Variants in SCAPER observed in about 807,000 individuals in gnomAD.
SCAPER encodes the protein S-phase cyclin A associated protein in the ER.
Under a neutral mutation model 182.2 loss-of-function variants are expected in SCAPER, and 98 were observed. That is an observed-to-expected ratio of 0.54 (90% confidence interval 0.46 to 0.64). SCAPER has a LOEUF of 0.64. Among genes scored for constraint, SCAPER ranks in the 30% least tolerant of loss-of-function variants. The pLI is 0.00. For synonymous variants in SCAPER, 605 were observed against 564.6 expected, an observed-to-expected ratio of 1.07 and a Z score of -1.01; for missense variants, 1,432 against 1,690.0, an observed-to-expected ratio of 0.85 and a Z score of 2.68.
At chr15:76,776,504 A>G (rs917788647) in intron 8 of SCAPER, among the ~76,000 whole-genome samples, 4 of 152,182 alleles carry the variant, frequency 2.6e-5, no homozygotes, top group Admixed American at 2.0e-4. Context: ...GCAAGGCCCT[A>G]TAGAAAGCTG....
intron 25 of SCAPER, among the ~76,000 whole-genome samples, chr15:76,442,634 A>G (rs2047695830): frequency 6.6e-6 from 1 of 152,184 alleles, no homozygotes. Context: ...ATATTTATCC[A>G]TTAAATGTTT....
At chr15:76,697,671 C>A (rs1387851162) in intron 20 of SCAPER, among the ~76,000 whole-genome samples, 3 of 152,020 alleles carry the variant, frequency 2.0e-5, no homozygotes, top group African/African-American at 7.2e-5. Context: ...TCGAGTCTCA[C>A]TCTTGTCGCC....
chr15:76,831,934 T>C (rs1226171177), intron 5 of SCAPER, among the ~76,000 whole-genome samples: 1 of 152,062 alleles, frequency 6.6e-6, no homozygotes, highest in East Asian at 1.9e-4. Context: ...ACCCAAATTA[T>C]ACCACAGTCA....
chr15:76,450,386 G>A (rs372561136), intron 25 of SCAPER, among the ~76,000 whole-genome samples: 15 of 152,160 alleles, frequency 9.9e-5, no homozygotes, highest in South Asian at 2.1e-4. Context: ...TAAGCTCTCC[G>A]GCTTATTTAT....
rs548955454 is a variant in SCAPER at position 76,615,742 on chromosome 15, C to T, written c.2711+6022G>A. Among the ~76,000 whole-genome samples the T allele has an allele frequency of 9.9e-5, 15 of 151,348 alleles. 2 individuals carry two copies. The South Asian group carries it at 1.5e-3, about 15-fold the overall frequency. On this transcript the variant is annotated intron_variant, in intron 22 of 31. Coordinates refer to ENST00000563290, the MANE Select transcript of SCAPER (RefSeq NM_020843.4). ...GGCAGAGGCAGGAGAATTACTTGAA[C>T]CCGGGAGCTGGAGGTTGCAGTGAGG...
chr15:76,361,988 T>C lies in SCAPER; in HGVS notation c.3856-7848A>G, dbSNP rs2041452047. ...TTAATGTTAAACACATTTTTTTTTT[T>C]TTTAGAGGGAGTTTCACTGTTTTTG... is the stretch of plus-strand genomic sequence containing the variant. On this transcript the variant is annotated intron_variant, in intron 29 of 31. Transcript: ENST00000563290. 1.3e-5 allele frequency among the ~76,000 whole-genome samples: 2 copies of C among 152,266 alleles called. 1 individual carries two copies. The highest frequency in any genetic ancestry group is 4.1e-4 in the South Asian group (2 of 4,824).
intron 24 of SCAPER, among the ~76,000 whole-genome samples, chr15:76,486,939 C>T (rs2051710954): frequency 6.6e-6 from 1 of 152,100 alleles, no homozygotes; most frequent in African/African-American, 2.4e-5. Flanking sequence ...ATGGAATCAA[C>T]CTAAATGCCA....
chr15:76,520,947 A>C (rs2042788408), intron 23 of SCAPER, among the ~76,000 whole-genome samples: 1 of 152,202 alleles, frequency 6.6e-6, no homozygotes, highest in South Asian at 2.1e-4. Context: ...AGTGGCGGGA[A>C]GTTTTCCTAG....
intron 23 of SCAPER, among the ~76,000 whole-genome samples, chr15:76,515,973 A>T (rs1422088468): frequency 3.3e-5 from 5 of 152,106 alleles, no homozygotes; most frequent in South Asian, 4.2e-4. Context: ...GGAACTTTGG[A>T]AAACGTTACT....
chr15:76,469,900 T>C (rs2049999446), intron 25 of SCAPER, among the ~76,000 whole-genome samples: 1 of 150,290 alleles, frequency 6.7e-6, no homozygotes, highest in Non-Finnish European at 1.5e-5. Context: ...ATAGAATTTT[T>C]TTTTTGCTAA....
At chr15:76,697,525 TA>T (rs1292431410) in intron 20 of SCAPER, among the ~76,000 whole-genome samples, 1 of 152,210 alleles carries the variant, frequency 6.6e-6, no homozygotes, top group Non-Finnish European at 1.5e-5. Context: ...CTCACTGAAA[TA>T]AAAACATGCG....
chr15:76,472,410 T>G (rs777514936), intron 24 of SCAPER: 1 of 632,938 alleles, frequency 1.6e-6, no homozygotes, highest in Non-Finnish European at 2.9e-6. Context: ...GGTGACTGTA[T>G]AGTTTGAAAT....
chr15:76,451,576 A>G (rs2048369433), intron 25 of SCAPER, among the ~76,000 whole-genome samples: 2 of 152,228 alleles, frequency 1.3e-5, no homozygotes, highest in African/African-American at 4.8e-5. Flanking sequence ...AGAAACGTTA[A>G]TGAGACCTAA....
intron 1 of SCAPER, among the ~76,000 whole-genome samples, chr15:76,893,539 A>G (rs1256210745): frequency 1.3e-5 from 2 of 152,312 alleles, no homozygotes; most frequent in East Asian, 3.9e-4. Flanking sequence ...ACAAGGAAAC[A>G]GTGAACTTGA....
intron 25 of SCAPER, among the ~76,000 whole-genome samples, chr15:76,448,928 A>G (rs1030409439): frequency 6.6e-6 from 1 of 152,194 alleles, no homozygotes; most frequent in African/African-American, 2.4e-5. Context: ...GTGAGTTATC[A>G]TCTCTCTTCT....
At chr15:76,606,728 A>C (rs2050441885) in intron 22 of SCAPER, among the ~76,000 whole-genome samples, 1 of 151,800 alleles carries the variant, frequency 6.6e-6, no homozygotes, top group South Asian at 2.1e-4. Context: ...TATTTAGGAT[A>C]GTTAGCTCTT....
chr15:76,660,050 C>T (rs1349568240), intron 21 of SCAPER, among the ~76,000 whole-genome samples: 1 of 152,180 alleles, frequency 6.6e-6, no homozygotes, highest in Non-Finnish European at 1.5e-5. Flanking sequence ...TCATGGAATA[C>T]TATGCACCTA....
In SCAPER at chr15:76,724,830, A is replaced by C. The variant is rs140650159; in HGVS notation, c.2165+3765T>G. Among the ~76,000 whole-genome samples, 34 of 151,762 alleles carry C rather than the reference A, an allele frequency of 2.2e-4. No homozygotes were observed. In the East Asian group the frequency reaches 6.6e-3, roughly 29 times the overall value. The stretch of plus-strand genomic sequence containing the variant: ...GTTATTCTAGTTATCCATTCGTCTA[A>C]TTTTTTTTCAAAGTTTTTAACTTCT... On this transcript the variant is annotated intron_variant, in intron 17 of 31. Coordinates refer to ENST00000563290, the MANE Select transcript of SCAPER (RefSeq NM_020843.4).
At chr15:76,896,186 A>G (rs1470687284) in intron 1 of SCAPER, among the ~76,000 whole-genome samples, 1 of 151,382 alleles carries the variant, frequency 6.6e-6, no homozygotes, top group African/African-American at 2.4e-5. Context: ...CCTGGGCAAC[A>G]TGGCAAAACC....
Sources: allele counts gnomAD v4.1 joint callset (sites outside exome capture counted in the v4.1 genomes callset), GRCh38; gene constraint gnomAD v4.1.1; transcripts MANE v1.5; gene names NCBI Gene and HGNC (gene_info 2026-07-23, HGNC 2026-07-21).